Variants in GCH1 observed in about 807,000 individuals in gnomAD.
GCH1 encodes the protein GTP cyclohydrolase I.
A neutral mutation model predicts 25.9 loss-of-function variants in GCH1; 5 were observed. The observed-to-expected ratio is 0.19, with a 90% CI of 0.10 to 0.41. GCH1 has a LOEUF of 0.41. GCH1 is among the 10% of genes least tolerant of loss of function. The probability of loss-of-function intolerance (pLI) is 1.00; values close to 1 mark genes in which losing one functional copy is unlikely to be tolerated. For synonymous variants in GCH1, 159 were observed against 129.6 expected, an observed-to-expected ratio of 1.23 and a Z score of -1.54; for missense variants, 261 against 336.5, an observed-to-expected ratio of 0.78 and a Z score of 1.75.
chr14:54,880,791 C>CATATAT lies in GCH1; in HGVS notation c.344-15361_344-15356dup, dbSNP rs200522006. Among the ~76,000 whole-genome samples, 4 of 43,694 alleles carry CATATAT rather than the reference C, an allele frequency of 9.2e-5. 1 individual carries two copies. The highest frequency in any genetic ancestry group is 1.6e-4 in the African/African-American group (1 of 6,382). The allele number at this position is 43,694 out of a possible 152,430, so 28.7% of individuals were successfully genotyped here. ...ATATACTCCATATATATATATACTC[C>CATATAT]ATATATATATATATACTCCATATAT... On this transcript the variant is annotated intron_variant, in intron 1 of 5. Coordinates refer to ENST00000491895, the MANE Select transcript of GCH1 (RefSeq NM_000161.3).
intron 3 of GCH1, among the ~76,000 whole-genome samples, chr14:54,849,978 TTTTG>T (rs983256743): frequency 1.3e-5 from 2 of 152,188 alleles, no homozygotes; most frequent in African/African-American, 2.4e-5. Flanking sequence ...GTCAATTTTT[TTTTG>T]TTTGTTTTTT....
chr14:54,847,094 CT>C lies in GCH1; in HGVS notation c.541+4del. On this transcript the variant is annotated splice_donor_region_variant and intron_variant, in intron 4 of 5. Coordinates refer to ENST00000491895, the MANE Select transcript of GCH1 (RefSeq NM_000161.3). Reference sequence around the variant, plus strand: ...TTTCTGTTAATACAGATTTTTAAAGCTTACCTTGTAGTCTTCTACTATAGAT... The same window carrying C: ...TTTCTGTTAATACAGATTTTTAAAGCTACCTTGTAGTCTTCTACTATAGAT... 1 of 950,784 alleles carries C rather than the reference CT, an allele frequency of 1.1e-6. No individual in the cohort carries two copies. The allele number at this position is 950,784 out of a possible 1,614,324, so 58.9% of individuals were successfully genotyped here. A position where few individuals can be genotyped will look rare whatever the true frequency, so the allele number is the denominator to read the frequency against.
chr14:54,846,376 T>C (rs2039641654), intron 4 of GCH1, among the ~76,000 whole-genome samples: 1 of 152,200 alleles, frequency 6.6e-6, no homozygotes, highest in Admixed American at 6.5e-5. Flanking sequence ...ATTTGAAAAC[T>C]GATGAAACCC....
At chr14:54,855,778 C>G (rs2039802142) in intron 3 of GCH1, among the ~76,000 whole-genome samples, 1 of 152,150 alleles carries the variant, frequency 6.6e-6, no homozygotes, top group Non-Finnish European at 1.5e-5. Flanking sequence ...CGCACCACTG[C>G]ACTCCAGCCT....
chr14:54,864,197 C>A (rs780663922), intron 2 of GCH1, among the ~76,000 whole-genome samples: 2 of 151,940 alleles, frequency 1.3e-5, no homozygotes, highest in Non-Finnish European at 2.9e-5. Flanking sequence ...GTAAGGAACA[C>A]CCTTAAGTTT....
chr14:54,845,901 G>A (rs1311700537), intron 4 of GCH1, 49 bp from the exon 5 acceptor site: 6 of 997,508 alleles, frequency 6.0e-6, no homozygotes, highest in South Asian at 2.5e-5. Context: ...ACAAACAGCT[G>A]GAAGCTTTTT....
intron 1 of GCH1, among the ~76,000 whole-genome samples, chr14:54,900,845 TCA>T (rs3221690): frequency 0.086 from 12,414 of 144,560 alleles, 535 homozygotes; most frequent in African/African-American, 0.12. Flanking sequence ...GTGAAATATC[TCA>T]CACACACACA....
intron 3 of GCH1, among the ~76,000 whole-genome samples, chr14:54,851,201 C>A (rs111901404): frequency 6.6e-6 from 1 of 152,142 alleles, no homozygotes. Flanking sequence ...CCCTTCCTTA[C>A]ACCTTATACA....
chr14:54,896,480 A>T lies in GCH1; in HGVS notation c.343+5841T>A, dbSNP rs555672507. The stretch of plus-strand genomic sequence containing the variant: ...CTCTTTAATTATATATCTCTTTAAA[A>T]AAAAAAAAGAAATATTAAATCCTTA... On this transcript the variant is annotated intron_variant, in intron 1 of 5. Coordinates refer to ENST00000491895, the MANE Select transcript of GCH1 (RefSeq NM_000161.3). 2.7e-4 allele frequency among the ~76,000 whole-genome samples: 41 copies of T among 152,048 alleles called. No homozygotes were observed. The East Asian group carries it at 6.2e-3, about 23-fold the overall frequency.
chr14:54,883,950 T>C (rs2040311210), intron 1 of GCH1, among the ~76,000 whole-genome samples: 1 of 152,136 alleles, frequency 6.6e-6, no homozygotes, highest in Non-Finnish European at 1.5e-5. Context: ...GGAGCAAAGT[T>C]TAAAAATTTG....
chr14:54,864,227 T>C (rs2039960323), intron 2 of GCH1, among the ~76,000 whole-genome samples: 2 of 152,178 alleles, frequency 1.3e-5, no homozygotes, highest in Non-Finnish European at 2.9e-5. Context: ...TCTATCTATA[T>C]ATTATTTCCA....
chr14:54,902,483 C>G lies in GCH1; in HGVS notation c.181G>C (p.Glu61Gln). Reference sequence around the variant, plus strand: ...GGGAGGTTCAGCTCGTTATCCTCCTCGCTGCGGGGCCGCTCGCCCTTCCAG... The same window carrying G: ...GGGAGGTTCAGCTCGTTATCCTCCTGGCTGCGGGGCCGCTCGCCCTTCCAG... ...DGWKGERPRS[E>Q]EDNELNLPNL... Residue 61 changes from glutamate (E) to glutamine (Q), a missense_variant, in exon 1 of 6, where the codon GAG becomes CAG. Glu to Gln is a conservative substitution (Grantham distance 29). Transcript: ENST00000491895. The G allele has an allele frequency of 6.2e-7, 1 of 1,610,592 alleles. No homozygotes were observed. Among genetic ancestry groups the G allele is most frequent in the Non-Finnish European group, 8.5e-7 (1 of 1,179,024 alleles).
At chr14:54,855,361 C>T (rs1381121297) in intron 3 of GCH1, among the ~76,000 whole-genome samples, 1 of 151,994 alleles carries the variant, frequency 6.6e-6, no homozygotes, top group Non-Finnish European at 1.5e-5. Flanking sequence ...CAAAAATTAG[C>T]TATGCGTGGT....
At chr14:54,872,821 C>A (rs1179826911) in intron 1 of GCH1, among the ~76,000 whole-genome samples, 1 of 152,132 alleles carries the variant, frequency 6.6e-6, no homozygotes, top group East Asian at 1.9e-4. Context: ...AATATATATG[C>A]ACCCAATACA....
intron 1 of GCH1, among the ~76,000 whole-genome samples, chr14:54,884,432 C>T (rs2040317068): frequency 6.6e-6 from 1 of 151,056 alleles, no homozygotes; most frequent in Non-Finnish European, 1.5e-5. Flanking sequence ...AACAAAATTC[C>T]CTTCTCTTTT....
At chr14:54,901,691 A>T (rs1432152005) in intron 1 of GCH1, among the ~76,000 whole-genome samples, 1 of 152,174 alleles carries the variant, frequency 6.6e-6, no homozygotes, top group Non-Finnish European at 1.5e-5. Context: ...CTCACACCTC[A>T]AACTCCGGGG....
At chr14:54,852,639 A>G (rs1343206798) in intron 3 of GCH1, among the ~76,000 whole-genome samples, 1 of 152,214 alleles carries the variant, frequency 6.6e-6, no homozygotes, top group Non-Finnish European at 1.5e-5. Context: ...TTTTTTCTCA[A>G]TCATACTGAA....
intron 3 of GCH1, among the ~76,000 whole-genome samples, chr14:54,848,659 C>A (rs1352941651): frequency 6.6e-6 from 1 of 152,138 alleles, no homozygotes; most frequent in African/African-American, 2.4e-5. Context: ...TCCTTTATAC[C>A]CATTACAGCC....
chr14:54,843,109 A>G lies in GCH1; in HGVS notation c.*908T>C, dbSNP rs920823865. On this transcript the variant is annotated 3_prime_UTR_variant, in exon 6 of 6. Transcript: ENST00000491895. ...CTGGAAATACTTAGAAAAATATCTT[A>G]TAAGATTAAAAAAAAGAAGAAGAAG... 18 of 1,486,136 alleles carry G rather than the reference A, an allele frequency of 1.2e-5. No homozygotes were observed. The highest frequency in any genetic ancestry group is 1.4e-5 in the African/African-American group (1 of 68,988). The allele number at this position is 1,486,136 out of a possible 1,614,324, so 92.1% of individuals were successfully genotyped here. A position where few individuals can be genotyped will look rare whatever the true frequency, so the allele number is the denominator to read the frequency against.
Sources: allele counts gnomAD v4.1 joint callset (sites outside exome capture counted in the v4.1 genomes callset), GRCh38; gene constraint gnomAD v4.1.1; transcripts MANE v1.5; gene names NCBI Gene and HGNC (gene_info 2026-07-23, HGNC 2026-07-21).